The following LMBR1 variants were observed in gnomAD, a reference collection of about 807,000 sequenced individuals.
LMBR1 encodes limb region 1 protein homolog.
A neutral mutation model predicts 73.9 loss-of-function variants in LMBR1; 52 were observed. The observed-to-expected ratio is 0.70, with a 90% CI of 0.56 to 0.89. LMBR1 has a LOEUF of 0.89. LMBR1 is among the 40% of genes least tolerant of loss of function. The pLI is 0.00. For missense variants in LMBR1, 539 were observed against 579.8 expected, an observed-to-expected ratio of 0.93 and a Z score of 0.72; for synonymous variants, 215 against 209.4, an observed-to-expected ratio of 1.03 and a Z score of -0.23.
At chr7:156,869,899 T>C (rs1169106508) in intron 1 of LMBR1, among the ~76,000 whole-genome samples, 3 of 151,988 alleles carry the variant, frequency 2.0e-5, no homozygotes, top group African/African-American at 7.2e-5. Context: ...ATTCATCATT[T>C]CTCATTATAA....
At chr7:156,674,299 G>A (rs1027129208), downstream of LMBR1, among the ~76,000 whole-genome samples, 3 of 152,188 alleles carry the variant, frequency 2.0e-5, no homozygotes, top group Admixed American at 6.5e-5. Flanking sequence ...CATGAGCCAC[G>A]TCCATCTGGA....
intron 15 of LMBR1, among the ~76,000 whole-genome samples, chr7:156,698,218 C>T (rs1043286649): frequency 4.6e-5 from 7 of 152,216 alleles, no homozygotes; most frequent in Admixed American, 3.9e-4. Flanking sequence ...CAGCTCCACC[C>T]CTGTGGCTTT....
intron 9 of LMBR1, among the ~76,000 whole-genome samples, chr7:156,741,733 G>C (rs1818933621): frequency 6.6e-6 from 1 of 152,120 alleles, no homozygotes; most frequent in East Asian, 1.9e-4. Flanking sequence ...GCATTGGATA[G>C]ATCTTCCAAT....
At chr7:156,744,602 T>G (rs1819519662) in intron 9 of LMBR1, among the ~76,000 whole-genome samples, 1 of 152,178 alleles carries the variant, frequency 6.6e-6, no homozygotes, top group African/African-American at 2.4e-5. Context: ...TCATTAATAC[T>G]TTCCTTCTTT....
intron 1 of LMBR1, among the ~76,000 whole-genome samples, chr7:156,857,917 C>G (rs73167919): frequency 0.1 from 15,131 of 151,310 alleles, 855 homozygotes; most frequent in African/African-American, 0.13. Context: ...GAAAATAAAT[C>G]TTATGAAAAT....
At chr7:156,841,009 G>A (rs1358980634) in intron 1 of LMBR1, among the ~76,000 whole-genome samples, 1 of 151,234 alleles carries the variant, frequency 6.6e-6, no homozygotes, top group Non-Finnish European at 1.5e-5. Flanking sequence ...ACTGGAAAAG[G>A]GCCAGGACAG....
rs546976899 is a variant in LMBR1, at chr7:156,865,661, C to T, written c.66+27267G>A. Among the ~76,000 whole-genome samples the T allele has an allele frequency of 1.1e-4, 16 of 152,304 alleles. No individual in the cohort carries two copies. In the South Asian group the frequency reaches 3.3e-3, roughly 32 times the overall value. On this transcript the variant is annotated intron_variant, in intron 1 of 16. Coordinates refer to ENST00000353442, the MANE Select transcript of LMBR1 (RefSeq NM_022458.4). ...AAAGAGCAAAGCTGGAGGACTCACA[C>T]TTCCCCAATTTTAAACTTACTACAA...
intron 4 of LMBR1, among the ~76,000 whole-genome samples, chr7:156,825,477 C>T (rs1298254074): frequency 6.6e-6 from 1 of 152,092 alleles, no homozygotes; most frequent in Non-Finnish European, 1.5e-5. Context: ...AGGTGATAGA[C>T]ACCCTGTTTA....
rs893399653 is a variant in LMBR1, at chr7:156,722,518, A to G, written c.1225+1594T>C. 5.9e-5 allele frequency among the ~76,000 whole-genome samples: 9 copies of G among 152,142 alleles called. 1 individual carries two copies. The highest frequency in any genetic ancestry group is 1.5e-5 in the Non-Finnish European group (1 of 68,004). Reference sequence around the variant, plus strand: ...AATTTGCTTTTTTAATACTGTGAAAAGCCTCTATGAATCTGTTTAACGTAT... The same window carrying G: ...AATTTGCTTTTTTAATACTGTGAAAGGCCTCTATGAATCTGTTTAACGTAT... On this transcript the variant is annotated intron_variant, in intron 15 of 16. Coordinates refer to ENST00000353442, the MANE Select transcript of LMBR1 (RefSeq NM_022458.4).
intron 1 of LMBR1, among the ~76,000 whole-genome samples, chr7:156,846,859 A>G (rs753889389): frequency 2.0e-5 from 3 of 151,566 alleles, no homozygotes; most frequent in African/African-American, 4.9e-5. Context: ...CAAAGAAATG[A>G]TAAGAGTTTG....
chr7:156,771,580 G>C (rs1476493209), intron 5 of LMBR1, among the ~76,000 whole-genome samples: 1 of 152,084 alleles, frequency 6.6e-6, no homozygotes, highest in Non-Finnish European at 1.5e-5. Context: ...TTCTGAAACC[G>C]AGTCTGTAAT....
rs1342214671 is a variant in LMBR1, at chr7:156,685,360, G to A, written c.1388-1197C>T. ...TACAGCAACACAGTCAGGTGTTGCC[G>A]AACAACAGGAATGCATTCTGAGAAA... On this transcript the variant is annotated intron_variant, in intron 16 of 16. Transcript: ENST00000353442. The surrounding 1 kb of genome is among the most constrained non-coding windows in gnomAD (Gnocchi z 4.1). 2.0e-5 allele frequency among the ~76,000 whole-genome samples: 3 copies of A among 152,276 alleles called. No homozygotes were observed. Among genetic ancestry groups the A allele is most frequent in the Non-Finnish European group, 4.4e-5 (3 of 68,026 alleles).
intron 9 of LMBR1, among the ~76,000 whole-genome samples, chr7:156,750,439 A>G (rs559226588): frequency 1.3e-5 from 2 of 152,130 alleles, no homozygotes; most frequent in African/African-American, 2.4e-5. Flanking sequence ...CTCATATTCC[A>G]TGGCCATAAC....
At chr7:156,735,504 C>T (rs979438353) in intron 9 of LMBR1, among the ~76,000 whole-genome samples, 1 of 149,746 alleles carries the variant, frequency 6.7e-6, no homozygotes, top group Non-Finnish European at 1.5e-5. Flanking sequence ...ATTAAAATAC[C>T]CACTACAACT....
Position 156,836,740 on chromosome 7 carries a change from A to C in LMBR1, c.139+73T>G, listed in dbSNP as rs561952179. ...ATACACTATGACACTGAAGTGTACT[A>C]ATATATCTTATATACCATGCCTAGA... On this transcript the variant is annotated intron_variant, in intron 2 of 16. Transcript: ENST00000353442. 22 of 944,918 alleles carry C rather than the reference A, an allele frequency of 2.3e-5. 1 individual carries two copies. In the South Asian group the frequency reaches 3.6e-4, roughly 15 times the overall value. The allele number at this position is 944,918 out of a possible 1,614,324, so 58.5% of individuals were successfully genotyped here. A position where few individuals can be genotyped will look rare whatever the true frequency, so the allele number is the denominator to read the frequency against.
At chr7:156,762,241 G>C (rs142551947) in intron 7 of LMBR1, 43 bp from the exon 8 acceptor site, 3 of 1,269,166 alleles carry the variant, frequency 2.4e-6, no homozygotes, top group Non-Finnish European at 3.4e-6. Context: ...CGACATTATA[G>C]AGCTTGGAGA....
intron 1 of LMBR1, among the ~76,000 whole-genome samples, chr7:156,873,282 C>A (rs1429937683): frequency 6.6e-6 from 1 of 151,582 alleles, no homozygotes; most frequent in Non-Finnish European, 1.5e-5. Flanking sequence ...CTTAAGGCAG[C>A]GCGTCTGGAG....
At chr7:156,841,279 C>T (rs1838660909) in intron 1 of LMBR1, among the ~76,000 whole-genome samples, 1 of 152,104 alleles carries the variant, frequency 6.6e-6, no homozygotes, top group Non-Finnish European at 1.5e-5. Context: ...ATCTGACATA[C>T]ATATAATTCA....
chr7:156,744,680 T>G (rs1220375029), intron 9 of LMBR1, among the ~76,000 whole-genome samples: 1 of 152,230 alleles, frequency 6.6e-6, no homozygotes, highest in East Asian at 1.9e-4. Flanking sequence ...AATTCAATTT[T>G]TGAAGGACTA....
Sources: allele counts gnomAD v4.1 joint callset (sites outside exome capture counted in the v4.1 genomes callset), GRCh38; gene constraint gnomAD v4.1.1; non-coding constraint Gnocchi (gnomAD v3.1); transcripts MANE v1.5; gene names NCBI Gene and HGNC (gene_info 2026-07-23, HGNC 2026-07-21).